ANXA2: variants seen among roughly 807,000 people sequenced by gnomAD.
The protein encoded by ANXA2 is annexin A2.
A neutral mutation model predicts 47.3 loss-of-function variants in ANXA2; 28 were observed. The ratio of observed to expected loss-of-function variants is 0.59; its 90% CI spans 0.44 to 0.81. The LOEUF is 0.81. Ranked by LOEUF, ANXA2 falls within the 40% of genes least tolerant of loss-of-function variation. ANXA2 has a pLI of 0.00. For synonymous variants in ANXA2, 172 were observed against 155.5 expected, an observed-to-expected ratio of 1.11 and a Z score of -0.79; for missense variants, 384 against 414.3, an observed-to-expected ratio of 0.93 and a Z score of 0.64.
intron 3 of ANXA2, among the ~76,000 whole-genome samples, chr15:60,370,710 A>T (rs2062699411): frequency 1.3e-5 from 2 of 152,194 alleles, no homozygotes; most frequent in African/African-American, 2.4e-5. Context: ...TAAATTGAAT[A>T]TAGTGCCAGA....
At chr15:60,347,737 C>T (rs1171968324) in intron 12 of ANXA2, 48 bp from the exon 13 acceptor site, 1 of 1,521,966 alleles carries the variant, frequency 6.6e-7, no homozygotes, top group African/African-American at 1.4e-5. Flanking sequence ...GAAAAAAGCC[C>T]AGACTCCTCA....
rs765131227 is a variant in ANXA2, at chr15:60,382,346, G to A, written c.144C>T (p.Thr48=). 1 of 1,612,488 alleles carries A rather than the reference G, an allele frequency of 6.2e-7. No homozygotes were observed. Among genetic ancestry groups the A allele is most frequent in the South Asian group, 1.1e-5 (1 of 91,020 alleles). ...DALNIETAIK[T]KGVDEVTIVN... ...GAGGACAAATGTATCACCTACCTTT[G>A]GTCTTGATGGCTGTTTCAATGTTCA... The change falls in exon 3 of 13, where the codon ACC becomes ACT. Residue 48 remains threonine, a synonymous_variant. Transcript: ENST00000451270.
chr15:60,351,967 G>A (rs1290726558), intron 9 of ANXA2, 148 bp from the exon 10 acceptor site: 5 of 645,596 alleles, frequency 7.7e-6, no homozygotes, highest in African/African-American at 7.3e-5. Flanking sequence ...ACGGTGACCA[G>A]AGCCAACATT....
chr15:60,351,173 T>A lies in ANXA2; in HGVS notation c.837+20A>T, dbSNP rs771974780. The A allele has an allele frequency of 2.5e-5, 40 of 1,613,306 alleles. No individual in the cohort carries two copies. The highest frequency in any genetic ancestry group is 3.3e-5 in the Non-Finnish European group (39 of 1,179,382). On this transcript the variant is annotated intron_variant, in intron 11 of 12. Transcript: ENST00000451270. ...AAAGCTGAGTGTGGAAACACAGCTC[T>A]CTCAGCCAGCTGCCCTTACCTTCAT...
At chr15:60,348,035 C>T (rs1895804005) in intron 12 of ANXA2, among the ~76,000 whole-genome samples, 1 of 152,186 alleles carries the variant, frequency 6.6e-6, no homozygotes, top group Non-Finnish European at 1.5e-5. Flanking sequence ...CTCTCGTCCT[C>T]GTCTTTCCAC....
chr15:60,386,237 G>A (rs2062931887), intron 1 of ANXA2, 151 bp from the exon 2 acceptor site: 4 of 618,028 alleles, frequency 6.5e-6, no homozygotes, highest in South Asian at 2.1e-5. Flanking sequence ...CCCATCTTAC[G>A]ACTGTAAAAA....
intron 6 of ANXA2, 21 bp downstream of exon 6, chr15:60,357,125 C>T: frequency 6.2e-7 from 1 of 1,610,588 alleles, no homozygotes; most frequent in Non-Finnish European, 8.5e-7. Context: ...GAGGATGAAT[C>T]ACAGAAATCA....
chr15:60,366,397 T>C (rs1235776958), intron 3 of ANXA2, among the ~76,000 whole-genome samples: 1 of 149,186 alleles, frequency 6.7e-6, no homozygotes, highest in Non-Finnish European at 1.5e-5. Flanking sequence ...ATCTAGGAAG[T>C]GAGGAGCATC....
intron 3 of ANXA2, among the ~76,000 whole-genome samples, chr15:60,375,950 G>A (rs1355886902): frequency 6.6e-6 from 1 of 152,130 alleles, no homozygotes; most frequent in African/African-American, 2.4e-5. Flanking sequence ...GATGTTTGAG[G>A]TGGGGAGGAA....
At chr15:60,397,906 C>A (rs753196048) in intron 1 of ANXA2, 37 bp downstream of exon 1, 2 of 1,340,822 alleles carry the variant, frequency 1.5e-6, no homozygotes, top group Admixed American at 3.5e-5. Flanking sequence ...CGCTAGCTGG[C>A]GGCCCATCGC....
At chr15:60,381,001 A>G (rs1167321576) in intron 3 of ANXA2, among the ~76,000 whole-genome samples, 1 of 151,632 alleles carries the variant, frequency 6.6e-6, no homozygotes, top group Non-Finnish European at 1.5e-5. Flanking sequence ...GGGTTTTTCT[A>G]CTCTACTTCC....
intron 3 of ANXA2, among the ~76,000 whole-genome samples, chr15:60,370,128 C>T (rs900653947): frequency 2.6e-5 from 4 of 152,156 alleles, no homozygotes; most frequent in Non-Finnish European, 4.4e-5. Flanking sequence ...ATGTATTTTA[C>T]CTAAATTATT....
chr15:60,366,532 G>T (rs1400957666), intron 3 of ANXA2, among the ~76,000 whole-genome samples: 5 of 151,088 alleles, frequency 3.3e-5, no homozygotes, highest in Non-Finnish European at 7.4e-5. Flanking sequence ...TCTCTGCCCG[G>T]CCGCTCCGTC....
intron 5 of ANXA2, 97 bp downstream of exon 5, chr15:60,360,844 T>A (rs1216910954): frequency 2.5e-6 from 2 of 789,656 alleles, no homozygotes; most frequent in Admixed American, 4.7e-5. Context: ...CAAATGAGAA[T>A]TCAACAAAAC....
chr15:60,367,087 G>A (rs1321723863), intron 3 of ANXA2, among the ~76,000 whole-genome samples: 4 of 61,736 alleles, frequency 6.5e-5, no homozygotes, highest in African/African-American at 1.5e-4. Context: ...TCAGCCCCCC[G>A]CCTGGCCAGC....
At chr15:60,376,363 A>C (rs568938720) in intron 3 of ANXA2, among the ~76,000 whole-genome samples, 1 of 151,942 alleles carries the variant, frequency 6.6e-6, no homozygotes, top group East Asian at 1.9e-4. Flanking sequence ...CTGGGCAACA[A>C]GAGCAAAACT....
intron 8 of ANXA2, among the ~76,000 whole-genome samples, chr15:60,353,348 C>A (rs747082187): frequency 6.6e-5 from 10 of 152,068 alleles, no homozygotes; most frequent in Non-Finnish European, 1.5e-4. Context: ...CCTTTCTCCC[C>A]CACCACAACA....
chr15:60,357,746 A>G (rs2062454677), intron 5 of ANXA2, among the ~76,000 whole-genome samples: 1 of 151,942 alleles, frequency 6.6e-6, no homozygotes, highest in South Asian at 2.1e-4. Context: ...GTGAGCCGAG[A>G]TCGCGCCACT....
intron 1 of ANXA2, chr15:60,396,151 A>G (rs1267976388): frequency 2.0e-5 from 3 of 152,308 alleles, no homozygotes; most frequent in African/African-American, 7.2e-5. Context: ...TGTTGCTCAC[A>G]TTGGCCTTGG....
Sources: gnomAD v4.1 joint callset for allele counts (sites outside exome capture counted in the v4.1 genomes callset) on GRCh38, gnomAD v4.1.1 for gene constraint, MANE v1.5 for transcripts, NCBI Gene and HGNC (gene_info 2026-07-23, HGNC 2026-07-21) for gene names.